The following FLVCR2 variants were observed in gnomAD, a reference collection of about 807,000 sequenced individuals.
FLVCR2 encodes the protein choline/ethanolamine transporter FLVCR2.
In FLVCR2, 38 loss-of-function variants were observed where a neutral mutation model predicts 48.9. The observed-to-expected ratio is 0.78, with a 90% CI of 0.60 to 1.02. The LOEUF (loss-of-function observed/expected upper bound fraction) is 1.02. FLVCR2 is among the 50% of genes least tolerant of loss of function. The pLI is 0.00. For synonymous variants in FLVCR2, 255 were observed against 257.0 expected, an observed-to-expected ratio of 0.99 and a Z score of 0.07; for missense variants, 664 against 663.3, an observed-to-expected ratio of 1.00 and a Z score of -0.01.
chr14:75,618,606 A>G (rs1889674509), intron 1 of FLVCR2, among the ~76,000 whole-genome samples: 1 of 152,212 alleles, frequency 6.6e-6, no homozygotes, highest in Non-Finnish European at 1.5e-5. Flanking sequence ...TCCAGGAAAG[A>G]TGCCAAATGC....
chr14:75,589,365 G>A lies in FLVCR2; in HGVS notation c.669+9724G>A, dbSNP rs566594580. Among the ~76,000 whole-genome samples the A allele has an allele frequency of 7.9e-5, 12 of 152,310 alleles. No individual in the cohort carries two copies. In the South Asian group the frequency reaches 2.5e-3, roughly 32 times the overall value. On this transcript the variant is annotated intron_variant, in intron 1 of 9. Coordinates refer to ENST00000238667, the MANE Select transcript of FLVCR2 (RefSeq NM_017791.3). ...CCCAATTAAGTCCAAAACTCAACGG[G>A]GAAAACAACATTAAGTCTTAAAGCT... is the stretch of plus-strand genomic sequence containing the variant.
chr14:75,595,389 A>C (rs943070409), intron 1 of FLVCR2, among the ~76,000 whole-genome samples: 1 of 152,224 alleles, frequency 6.6e-6, no homozygotes, highest in Non-Finnish European at 1.5e-5. Flanking sequence ...GGCTCTAGAA[A>C]GTGACTCAGG....
intron 1 of FLVCR2, among the ~76,000 whole-genome samples, chr14:75,598,140 C>T (rs554868371): frequency 3.9e-5 from 6 of 152,104 alleles, no homozygotes; most frequent in Non-Finnish European, 8.8e-5. Context: ...CCACTGCACC[C>T]AGCTGGTCAG....
At chr14:75,616,026 C>CAAAAAAAAAAAAAAAAAAAAA (rs10629813) in intron 1 of FLVCR2, among the ~76,000 whole-genome samples, 1 of 25,632 alleles carries the variant, frequency 3.9e-5, no homozygotes, top group African/African-American at 1.6e-4. Flanking sequence ...GACTCCATCT[C>CAAAAAAAAAAAAAAAAAAAAA]AAAAAAAAAA....
intron 5 of FLVCR2, 118 bp downstream of exon 5, chr14:75,635,131 C>G (rs964710089): frequency 2.7e-5 from 20 of 733,546 alleles, no homozygotes; most frequent in Middle Eastern, 2.3e-4. Flanking sequence ...GCAGGTCATT[C>G]AAGTTTGACT....
At chr14:75,615,546 G>A (rs1889585818) in intron 1 of FLVCR2, among the ~76,000 whole-genome samples, 1 of 152,122 alleles carries the variant, frequency 6.6e-6, no homozygotes, top group African/African-American at 2.4e-5. Flanking sequence ...TCTTCCTCTT[G>A]TGGATTAGGA....
chr14:75,619,835 C>G (rs1385666533), intron 1 of FLVCR2, among the ~76,000 whole-genome samples: 1 of 152,194 alleles, frequency 6.6e-6, no homozygotes, highest in Non-Finnish European at 1.5e-5. Context: ...AGCACTCACT[C>G]AAGCTTGGTG....
In FLVCR2 at chr14:75,646,626, A is replaced by C. The variant is rs1472964140; in HGVS notation, c.*154A>C. 8 of 688,024 alleles carry C rather than the reference A, an allele frequency of 1.2e-5. No individual in the cohort carries two copies. In the Admixed American group the frequency reaches 1.7e-4, roughly 14 times the overall value. The allele number at this position is 688,024 out of a possible 1,614,324, so 42.6% of individuals were successfully genotyped here. On this transcript the variant is annotated 3_prime_UTR_variant, in exon 10 of 10. Transcript: ENST00000238667. ...GGATGGCCTATTCCTCCTAGAACCC[A>C]CGTAAGAGCTTGGATGATTTAGTTG...
intron 1 of FLVCR2, among the ~76,000 whole-genome samples, chr14:75,621,451 G>T (rs1241396530): frequency 3.3e-5 from 5 of 151,516 alleles, no homozygotes; most frequent in Non-Finnish European, 5.9e-5. Flanking sequence ...GGTTTAATTT[G>T]TTGGGGGTGT....
chr14:75,630,211 C>T (rs1890005625), intron 3 of FLVCR2, among the ~76,000 whole-genome samples: 1 of 152,172 alleles, frequency 6.6e-6, no homozygotes, highest in African/African-American at 2.4e-5. Flanking sequence ...AATCTGCTTT[C>T]TACCAGCATC....
intron 1 of FLVCR2, among the ~76,000 whole-genome samples, chr14:75,608,036 C>G (rs1438300887): frequency 6.6e-6 from 1 of 152,200 alleles, no homozygotes; most frequent in Non-Finnish European, 1.5e-5. Flanking sequence ...CACCACTGCA[C>G]TCCAGCCTGG....
chr14:75,642,961 G>A (rs1344788429), intron 9 of FLVCR2, among the ~76,000 whole-genome samples: 2 of 152,068 alleles, frequency 1.3e-5, no homozygotes, highest in Admixed American at 6.6e-5. Flanking sequence ...TCCCGGGTTC[G>A]AGTGATTCTC....
Position 75,579,621 on chromosome 14 carries a change from G to C in FLVCR2, c.649G>C (p.Val217Leu), listed in dbSNP as rs1232681321. ...GANEVSTACS[V>L]AVFGNQLGIA... The stretch of plus-strand genomic sequence containing the variant: ...TAATGAGGTTTCAACAGCCTGCTCC[G>C]TGGCTGTCTTTGGCAATCAGGTAGG... The change falls in exon 1 of 10, where the codon GTG becomes CTG. Residue 217 changes from valine to leucine, a missense_variant. Transcript: ENST00000238667. 1.2e-6 allele frequency: 2 copies of C among 1,614,132 alleles called. No homozygotes were observed. The highest frequency in any genetic ancestry group is 1.7e-6 in the Non-Finnish European group (2 of 1,180,030).
In FLVCR2 at chr14:75,622,188, T is replaced by C; in HGVS notation, c.779T>C (p.Val260Ala). 1 of 1,613,562 alleles carries C rather than the reference T, an allele frequency of 6.2e-7. No homozygotes were observed. The highest frequency in any genetic ancestry group is 8.5e-7 in the Non-Finnish European group (1 of 1,179,558). Residue 260 changes from valine (V) to alanine (A), a missense_variant, in exon 2 of 10, where the codon GTG becomes GCG. Transcript: ENST00000238667. ...ISIMFYIIGGVATLLLILVII... is the reference protein window; with the variant it reads ...ISIMFYIIGGAATLLLILVII... ...ATCATGTTCTATATAATAGGAGGTG[T>C]GGCCACTCTCCTCCTCATCCTTGTC...
intron 1 of FLVCR2, among the ~76,000 whole-genome samples, chr14:75,601,725 G>A (rs1889170478): frequency 1.3e-5 from 2 of 152,270 alleles, no homozygotes; most frequent in South Asian, 2.1e-4. Flanking sequence ...TTGTATACTC[G>A]TGTTTATAGC....
Position 75,634,908 on chromosome 14 carries a change from A to AG in FLVCR2, c.1024dup. ...TGATCTTTGGGGTTATGGTTTCCCC[A>AG]GGGGGAAGAAGTGAATGCTGGAAGA... On this transcript the variant is annotated splice_acceptor_variant, in intron 4 of 9. Transcript: ENST00000238667. LOFTEE classifies it high-confidence loss of function. 6.2e-7 allele frequency: 1 copy of AG among 1,604,928 alleles called. No individual in the cohort carries two copies. Among genetic ancestry groups the AG allele is most frequent in the Non-Finnish European group, 8.5e-7 (1 of 1,171,840 alleles).
At position 75,622,183 on chromosome 14, in the gene FLVCR2, A is replaced by G; in HGVS notation, c.774A>G (p.Gly258=). Reference sequence around the variant, plus strand: ...TCAGCATCATGTTCTATATAATAGGAGGTGTGGCCACTCTCCTCCTCATCC... The same window carrying G: ...TCAGCATCATGTTCTATATAATAGGGGGTGTGGCCACTCTCCTCCTCATCC... ...YHISIMFYII[G]GVATLLLILV... Residue 258 remains glycine (G), a synonymous_variant, in exon 2 of 10, where the codon GGA becomes GGG. Coordinates refer to ENST00000238667, the MANE Select transcript of FLVCR2 (RefSeq NM_017791.3). 6.2e-7 allele frequency: 1 copy of G among 1,613,886 alleles called. No homozygotes were observed. The highest frequency in any genetic ancestry group is 8.5e-7 in the Non-Finnish European group (1 of 1,179,900).
chr14:75,644,371 C>T (rs189119039), intron 9 of FLVCR2, among the ~76,000 whole-genome samples: 3 of 152,190 alleles, frequency 2.0e-5, no homozygotes, highest in African/African-American at 4.8e-5. Context: ...AACCTCATGT[C>T]TACTGTGTAT....
rs745394886 is a variant in FLVCR2, at chr14:75,635,026, T to C, written c.1124+13T>C. The C allele has an allele frequency of 4.5e-6, 7 of 1,541,784 alleles. No individual in the cohort carries two copies. Among genetic ancestry groups the C allele is most frequent in the Non-Finnish European group, 6.3e-6 (7 of 1,114,146 alleles). On this transcript the variant is annotated intron_variant, in intron 5 of 9. Coordinates refer to ENST00000238667, the MANE Select transcript of FLVCR2 (RefSeq NM_017791.3). ...CCAAAACCTACAAGTAAGTGACTCA[T>C]CCTCTTGGACTGAGAATTGGGGACC... is the stretch of plus-strand genomic sequence containing the variant.
Sources: allele counts gnomAD v4.1 joint callset (sites outside exome capture counted in the v4.1 genomes callset), GRCh38; gene constraint gnomAD v4.1.1; transcripts MANE v1.5; gene names NCBI Gene and HGNC (gene_info 2026-07-23, HGNC 2026-07-21).